The following TXNDC16 variants were observed in gnomAD, a reference collection of about 807,000 sequenced individuals.
TXNDC16 encodes thioredoxin domain-containing protein 16.
A neutral mutation model predicts 85.6 loss-of-function variants in TXNDC16; 74 were observed. The observed-to-expected ratio is 0.86, with a 90% CI of 0.72 to 1.05. The LOEUF (loss-of-function observed/expected upper bound fraction) is 1.05, where lower values mean the gene tolerates loss of function less well. Ranked by LOEUF, TXNDC16 falls within the 50% of genes least tolerant of loss-of-function variation. TXNDC16 has a pLI of 0.00. For synonymous variants in TXNDC16, 335 were observed against 326.5 expected, an observed-to-expected ratio of 1.03 and a Z score of -0.28; for missense variants, 959 against 947.0, an observed-to-expected ratio of 1.01 and a Z score of -0.17.
intron 16 of TXNDC16, among the ~76,000 whole-genome samples, chr14:52,467,286 A>G (rs530523670): frequency 2.6e-5 from 4 of 152,308 alleles, no homozygotes; most frequent in South Asian, 2.1e-4. Context: ...TAAAAAAGGG[A>G]AAAAAATCAC....
intron 18 of TXNDC16, among the ~76,000 whole-genome samples, chr14:52,453,264 G>A (rs2035453677): frequency 6.6e-6 from 1 of 152,172 alleles, no homozygotes; most frequent in South Asian, 2.1e-4. Context: ...ATGGAGAACA[G>A]TTTGGAGGCT....
intron 1 of TXNDC16, among the ~76,000 whole-genome samples, chr14:52,548,191 T>C (rs2037977844): frequency 6.6e-6 from 1 of 152,212 alleles, no homozygotes; most frequent in South Asian, 2.1e-4. Context: ...ACTATGGGAC[T>C]GAACGAAGGC....
chr14:52,529,307 C>T (rs950925549), intron 6 of TXNDC16, among the ~76,000 whole-genome samples: 1 of 147,354 alleles, frequency 6.8e-6, no homozygotes, highest in African/African-American at 2.5e-5. Context: ...AAGGGGAACA[C>T]ACTGGGGCCT....
chr14:52,525,987 A>T (rs868842504), intron 6 of TXNDC16, among the ~76,000 whole-genome samples: 23 of 151,754 alleles, frequency 1.5e-4, no homozygotes, highest in African/African-American at 2.9e-4. Context: ...TATATTTAAA[A>T]TTTTTTTTAC....
chr14:52,437,212 T>C lies in TXNDC16; in HGVS notation c.2194+1992A>G, dbSNP rs976924704. 4.6e-5 allele frequency among the ~76,000 whole-genome samples: 7 copies of C among 152,152 alleles called. No homozygotes were observed. In the East Asian group the frequency reaches 9.6e-4, roughly 21 times the overall value. On this transcript the variant is annotated intron_variant, in intron 20 of 20. Transcript: ENST00000281741. Reference sequence around the variant, plus strand: ...AGATTCTGGGCCAAGATCTATTTTCTTGTGGTTCAAAATTCTGGCTCTGTC... The same window carrying C: ...AGATTCTGGGCCAAGATCTATTTTCCTGTGGTTCAAAATTCTGGCTCTGTC...
intron 14 of TXNDC16, among the ~76,000 whole-genome samples, chr14:52,476,441 G>A (rs1036303325): frequency 6.6e-6 from 1 of 152,018 alleles, no homozygotes; most frequent in Non-Finnish European, 1.5e-5. Flanking sequence ...AAAAAATTAT[G>A]CAAGAAGTAA....
chr14:52,467,606 G>T (rs1415001117), intron 16 of TXNDC16, among the ~76,000 whole-genome samples: 1 of 152,090 alleles, frequency 6.6e-6, no homozygotes, highest in Non-Finnish European at 1.5e-5. Flanking sequence ...ACGAATATTG[G>T]CAAGGATGTT....
At chr14:52,506,703 C>T (rs1481017689) in intron 9 of TXNDC16, among the ~76,000 whole-genome samples, 1 of 143,194 alleles carries the variant, frequency 7.0e-6, no homozygotes, top group Admixed American at 7.1e-5. Context: ...ACTACAGGCG[C>T]CCGCCACCGC....
chr14:52,510,131 A>G (rs2036922362), intron 9 of TXNDC16, among the ~76,000 whole-genome samples: 1 of 152,208 alleles, frequency 6.6e-6, no homozygotes, highest in Admixed American at 6.5e-5. Context: ...AATATCATAG[A>G]CCTTGATAAT....
At chr14:52,466,077 G>C (rs2035765711) in intron 16 of TXNDC16, among the ~76,000 whole-genome samples, 1 of 151,638 alleles carries the variant, frequency 6.6e-6, no homozygotes, top group South Asian at 2.1e-4. Context: ...AGTGAATGAA[G>C]GATTTTCTTT....
intron 6 of TXNDC16, among the ~76,000 whole-genome samples, chr14:52,524,755 A>G (rs1368196498): frequency 6.6e-5 from 10 of 152,034 alleles, no homozygotes; most frequent in Non-Finnish European, 1.2e-4. Flanking sequence ...TTAGCCTCCC[A>G]AAGTGCTGGG....
In TXNDC16 at chr14:52,543,441, T is replaced by G. The variant is rs1017953544; in HGVS notation, c.117A>C (p.Thr39=). ...PELSPQKYFS[T]LQPGKASLAY... ...CTAAAGAGGCTTTTCCTGGTTGCAA[T>G]GTACTAAAATATTTCTGAGGACTCA... Residue 39 remains threonine (T), a synonymous_variant, in exon 3 of 21, where the codon ACA becomes ACC. Coordinates refer to ENST00000281741, the MANE Select transcript of TXNDC16 (RefSeq NM_020784.3). The G allele has an allele frequency of 6.2e-7, 1 of 1,612,572 alleles. No homozygotes were observed. Among genetic ancestry groups the G allele is most frequent in the South Asian group, 1.1e-5 (1 of 90,644 alleles).
At chr14:52,441,744 C>T (rs1404139086) in intron 18 of TXNDC16, among the ~76,000 whole-genome samples, 1 of 152,120 alleles carries the variant, frequency 6.6e-6, no homozygotes, top group Non-Finnish European at 1.5e-5. Flanking sequence ...CAGTTATTTT[C>T]ATGGAACCTT....
intron 12 of TXNDC16, among the ~76,000 whole-genome samples, chr14:52,485,385 TAA>T (rs2036245538): frequency 6.6e-6 from 1 of 152,206 alleles, no homozygotes; most frequent in Admixed American, 6.5e-5. Context: ...TTAAAAATTG[TAA>T]AAATGTATAA....
intron 9 of TXNDC16, among the ~76,000 whole-genome samples, chr14:52,497,630 A>G (rs1385722377): frequency 6.6e-6 from 1 of 152,206 alleles, no homozygotes; most frequent in Admixed American, 6.5e-5. Context: ...CTATAATCCC[A>G]GCACTTTGGG....
intron 18 of TXNDC16, among the ~76,000 whole-genome samples, chr14:52,452,170 G>A (rs1349730686): frequency 6.6e-6 from 1 of 152,132 alleles, no homozygotes; most frequent in Non-Finnish European, 1.5e-5. Flanking sequence ...ATTGATGTAA[G>A]AAACTGAACT....
intron 4 of TXNDC16, 50 bp downstream of exon 4, chr14:52,542,321 G>A (rs1162645267): frequency 6.6e-6 from 8 of 1,214,490 alleles, no homozygotes; most frequent in Non-Finnish European, 9.6e-6. Flanking sequence ...AAGCCATAAA[G>A]TTGTAAGATG....
chr14:52,466,174 CAT>C (rs1377474363), intron 16 of TXNDC16, among the ~76,000 whole-genome samples: 7 of 150,676 alleles, frequency 4.6e-5, no homozygotes. Context: ...AATATGAATC[CAT>C]AACATGAAAC....
intron 6 of TXNDC16, among the ~76,000 whole-genome samples, chr14:52,530,615 A>ATG (rs201877909): frequency 0.29 from 15,437 of 52,700 alleles, 3,066 homozygotes; most frequent in African/African-American, 0.45. Flanking sequence ...TAGTATATAT[A>ATG]TGTGTGTGTA....
Sources: gnomAD v4.1 joint callset for allele counts (sites outside exome capture counted in the v4.1 genomes callset) on GRCh38, gnomAD v4.1.1 for gene constraint, MANE v1.5 for transcripts, NCBI Gene and HGNC (gene_info 2026-07-23, HGNC 2026-07-21) for gene names.